OPCML: variants seen among roughly 807,000 people sequenced by gnomAD.
OPCML encodes the protein opioid-binding protein/cell adhesion molecule.
OPCML carries 13 observed loss-of-function variants against 37.8 expected under a neutral mutation model. The observed-to-expected ratio is 0.34, with a 90% CI of 0.22 to 0.55. The LOEUF is 0.55. Among genes scored for constraint, OPCML ranks in the 20% least tolerant of loss-of-function variants. The probability of loss-of-function intolerance (pLI) is 0.91; values close to 1 mark genes in which losing one functional copy is unlikely to be tolerated. For missense variants in OPCML, 341 were observed against 435.6 expected (o/e 0.78, Z 1.93); for synonymous variants, 176 against 168.8 (o/e 1.04, Z -0.33).
At chr11:132,714,952 C>T (rs1002127777) in intron 2 of OPCML, among the ~76,000 whole-genome samples, 1 of 152,132 alleles carries the variant, frequency 6.6e-6, no homozygotes, top group East Asian at 1.9e-4. Context: ...GAAGGGAGGG[C>T]TCCAGGGAGG....
At chr11:133,437,047 AT>A (rs1445050246) in intron 1 of OPCML, among the ~76,000 whole-genome samples, 1 of 152,188 alleles carries the variant, frequency 6.6e-6, no homozygotes, top group Non-Finnish European at 1.5e-5. Flanking sequence ...CACCTGCTTC[AT>A]TTCTTTTCAT....
chr11:133,327,910 T>A (rs1263191958), intron 1 of OPCML, among the ~76,000 whole-genome samples: 1 of 151,946 alleles, frequency 6.6e-6, no homozygotes, highest in African/African-American at 2.4e-5. Flanking sequence ...TAAATATGAG[T>A]TTTGAGAAGA....
intron 4 of OPCML, among the ~76,000 whole-genome samples, chr11:132,493,919 G>A (rs966757317): frequency 3.9e-5 from 6 of 152,108 alleles, no homozygotes; most frequent in Admixed American, 3.3e-4. Context: ...TTTGATTTCC[G>A]GGTGCAAAAC....
chr11:132,779,194 C>T (rs918897358), intron 2 of OPCML, among the ~76,000 whole-genome samples: 1 of 152,098 alleles, frequency 6.6e-6, no homozygotes, highest in African/African-American at 2.4e-5. Flanking sequence ...CCTCGAACTC[C>T]TGACCTCAGG....
At chr11:133,214,952 A>T (rs1416470100) in intron 1 of OPCML, among the ~76,000 whole-genome samples, 1 of 152,230 alleles carries the variant, frequency 6.6e-6, no homozygotes, top group African/African-American at 2.4e-5. Flanking sequence ...ATATAAATAG[A>T]TAATTACAGA....
Position 132,877,524 on chromosome 11 carries a change from A to C in OPCML, c.146+65402T>G, listed in dbSNP as rs537013798. 3.7e-4 allele frequency among the ~76,000 whole-genome samples: 57 copies of C among 152,298 alleles called. 1 individual carries two copies. Among genetic ancestry groups the C allele is most frequent in the African/African-American group, 1.3e-3 (54 of 41,568 alleles). ...ATTTGTAGGAAGGGGCAGCAGGGGA[A>C]TGCTTACTTCATGAACTTGTTCTGA... On this transcript the variant is annotated intron_variant, in intron 2 of 7. Transcript: ENST00000524381.
rs866833438 is a variant in OPCML at position 133,175,721 on chromosome 11, C to T, written c.62-232711G>A. 8.7e-5 allele frequency among the ~76,000 whole-genome samples: 13 copies of T among 149,726 alleles called. No individual in the cohort carries two copies. In the South Asian group the frequency reaches 2.3e-3, roughly 27 times the overall value. ...TCTAGATGATCCGCATTAGATATGA[C>T]GAACCCACTGAGGTCAGCATGCACG... is the stretch of plus-strand genomic sequence containing the variant. On this transcript the variant is annotated intron_variant, in intron 1 of 7. Coordinates refer to ENST00000524381, the MANE Select transcript of OPCML (RefSeq NM_001012393.5).
chr11:133,103,184 C>G (rs1288520871), intron 1 of OPCML, among the ~76,000 whole-genome samples: 2 of 152,192 alleles, frequency 1.3e-5, no homozygotes, highest in Non-Finnish European at 2.9e-5. Flanking sequence ...TTTGCTTAGG[C>G]TTGTATTAAA....
intron 2 of OPCML, among the ~76,000 whole-genome samples, chr11:132,753,500 CTACA>C (rs1172702484): frequency 8.5e-5 from 13 of 152,238 alleles, no homozygotes; most frequent in African/African-American, 3.1e-4. Flanking sequence ...GGCTACATAC[CTACA>C]TACATACATA....
chr11:133,492,196 G>A (rs1947678378), intron 1 of OPCML, among the ~76,000 whole-genome samples: 1 of 152,092 alleles, frequency 6.6e-6, no homozygotes, highest in Non-Finnish European at 1.5e-5. Flanking sequence ...GGAAGAGGGG[G>A]AGTGGGGACC....
At chr11:133,025,367 C>G in intron 1 of OPCML, 1 of 985,274 alleles carries the variant, frequency 1.0e-6, no homozygotes, top group Non-Finnish European at 1.2e-6. Context: ...TAACTTGTTG[C>G]CTAATGGCTT....
chr11:133,111,992 A>G (rs1178169158), intron 1 of OPCML, among the ~76,000 whole-genome samples: 1 of 152,076 alleles, frequency 6.6e-6, no homozygotes, highest in Non-Finnish European at 1.5e-5. Flanking sequence ...GTTGTTATGG[A>G]TCTACAGACA....
intron 1 of OPCML, among the ~76,000 whole-genome samples, chr11:133,026,810 A>T (rs868821676): frequency 1.3e-5 from 2 of 151,740 alleles, no homozygotes; most frequent in Non-Finnish European, 2.9e-5. Flanking sequence ...CTTCATATTT[A>T]AAAAAAAATA....
At chr11:132,490,478 G>C (rs907699688) in intron 4 of OPCML, among the ~76,000 whole-genome samples, 2 of 151,946 alleles carry the variant, frequency 1.3e-5, no homozygotes, top group African/African-American at 4.8e-5. Flanking sequence ...TGGTATTACT[G>C]GGTGTCAGAG....
intron 1 of OPCML, among the ~76,000 whole-genome samples, chr11:133,137,175 C>A (rs1323863065): frequency 1.3e-5 from 2 of 152,002 alleles, no homozygotes; most frequent in African/African-American, 4.8e-5. Context: ...TTGGCTGAGC[C>A]TCTCTTGAAA....
At chr11:133,492,634 C>A (rs952051409) in intron 1 of OPCML, among the ~76,000 whole-genome samples, 1 of 147,536 alleles carries the variant, frequency 6.8e-6, no homozygotes, top group Admixed American at 6.8e-5. Context: ...TGATGCCCAA[C>A]GATCAAAGGG....
chr11:132,753,098 G>A (rs1280757370), intron 2 of OPCML, among the ~76,000 whole-genome samples: 1 of 152,012 alleles, frequency 6.6e-6, no homozygotes, highest in Non-Finnish European at 1.5e-5. Context: ...TTCCTCAGGA[G>A]GCTTTGCACT....
chr11:132,858,561 A>G (rs1398900654), intron 2 of OPCML, among the ~76,000 whole-genome samples: 1 of 152,164 alleles, frequency 6.6e-6, no homozygotes, highest in African/African-American at 2.4e-5. Context: ...CCAACCCAAG[A>G]GGGATTTCCC....
intron 2 of OPCML, among the ~76,000 whole-genome samples, chr11:132,818,616 A>AGATAGAT (rs61315367): frequency 0.075 from 10,280 of 137,336 alleles, 427 homozygotes; most frequent in Non-Finnish European, 0.089. Context: ...GATGATAGAT[A>AGATAGAT]GATAGATAAA....
Sources: allele counts gnomAD v4.1 joint callset (sites outside exome capture counted in the v4.1 genomes callset), GRCh38; gene constraint gnomAD v4.1.1; transcripts MANE v1.5; gene names NCBI Gene and HGNC (gene_info 2026-07-23, HGNC 2026-07-21).